The following ORC2 variants were observed in gnomAD, a reference collection of about 807,000 sequenced individuals.
ORC2 encodes origin recognition complex protein 2 homolog.
ORC2 carries 37 observed loss-of-function variants against 77.7 expected under a neutral mutation model. That is an observed-to-expected ratio of 0.48 (90% CI 0.37 to 0.63). The LOEUF is 0.63. Ranked by LOEUF, ORC2 falls within the 20% of genes least tolerant of loss-of-function variation. ORC2 has a pLI of 0.00. For missense variants in ORC2, 557 were observed against 661.9 expected, an observed-to-expected ratio of 0.84 and a Z score of 1.74; for synonymous variants, 201 against 229.5, an observed-to-expected ratio of 0.88 and a Z score of 1.12.
chr2:200,944,464 C>T (rs1174328910), intron 5 of ORC2, among the ~76,000 whole-genome samples: 1 of 152,176 alleles, frequency 6.6e-6, no homozygotes, highest in Non-Finnish European at 1.5e-5. Context: ...TGAGCCACCG[C>T]GCCCGGCTAA....
intron 9 of ORC2, among the ~76,000 whole-genome samples, chr2:200,934,654 A>C (rs2041003253): frequency 6.6e-6 from 1 of 151,960 alleles, no homozygotes; most frequent in Non-Finnish European, 1.5e-5. Flanking sequence ...AAATCCTTTA[A>C]TATTAGTATA....
Position 200,913,314 on chromosome 2 carries a change from T to C in ORC2, c.1628A>G (p.Lys543Arg), listed in dbSNP as rs779080457. The C allele has an allele frequency of 1.3e-6, 2 of 1,597,630 alleles. No homozygotes were observed. Among genetic ancestry groups the C allele is most frequent in the South Asian group, 1.1e-5 (1 of 90,848 alleles). ...TCTTACCTTCTTTGTTCTTATAAGC[T>C]TGTGGTCCCTAAATTCAGTTAACTG... ...RAQLTEFRDHKLIRTKKGTDG... is the reference protein window; with the variant it reads ...RAQLTEFRDHRLIRTKKGTDG... The change falls in exon 17 of 18, where the codon AAG becomes AGG. Residue 543 changes from lysine (K) to arginine (R), a missense_variant. Coordinates refer to ENST00000234296, the MANE Select transcript of ORC2 (RefSeq NM_006190.5).
At chr2:200,960,237 C>T (rs1021075728) in intron 1 of ORC2, among the ~76,000 whole-genome samples, 1 of 152,168 alleles carries the variant, frequency 6.6e-6, no homozygotes. Context: ...CTCTACCTCC[C>T]AAACTGCTGG....
Position 200,920,406 on chromosome 2 carries a change from C to A in ORC2, c.1295-13G>T. On this transcript the variant is annotated splice_polypyrimidine_tract_variant and intron_variant, in intron 14 of 17. Transcript: ENST00000234296. ...GCATGATCCCACACTAGCACATGAT[C>A]AAAGAAAACAAGAATTACAAATTAT... The A allele has an allele frequency of 6.7e-7, 1 of 1,484,876 alleles. No individual in the cohort carries two copies. 92.0% of individuals were successfully genotyped at this position (1,484,876 alleles called of 1,614,324 possible).
At chr2:200,941,382 T>TGC in intron 6 of ORC2, 103 bp from the exon 7 acceptor site, 1 of 1,014,900 alleles carries the variant, frequency 9.9e-7, no homozygotes, top group Non-Finnish European at 1.5e-6. Flanking sequence ...GTGGCTCACA[T>TGC]CTGTAATCCC....
At chr2:200,912,659 A>G (rs1466842552) in intron 17 of ORC2, among the ~76,000 whole-genome samples, 1 of 151,254 alleles carries the variant, frequency 6.6e-6, no homozygotes, top group African/African-American at 2.4e-5. Context: ...GGCTCAAATG[A>G]TCTACCCACC....
intron 5 of ORC2, among the ~76,000 whole-genome samples, chr2:200,943,525 C>G (rs150923319): frequency 1.8e-3 from 271 of 152,218 alleles, no homozygotes; most frequent in African/African-American, 5.3e-3. Flanking sequence ...ACAGATTTAC[C>G]TTTTCCAAGT....
intron 17 of ORC2, among the ~76,000 whole-genome samples, chr2:200,912,621 G>A (rs888777044): frequency 6.6e-6 from 1 of 151,370 alleles, no homozygotes; most frequent in Non-Finnish European, 1.5e-5. Flanking sequence ...AGGGTCTCCT[G>A]TGTTGCCAGG....
chr2:200,939,584 T>C (rs540283479), intron 7 of ORC2, among the ~76,000 whole-genome samples: 13 of 152,318 alleles, frequency 8.5e-5, no homozygotes, highest in African/African-American at 3.1e-4. Context: ...TCCTAAAATA[T>C]CATGTCCCTA....
chr2:200,924,446 A>C (rs2040809939), intron 13 of ORC2, among the ~76,000 whole-genome samples: 1 of 151,998 alleles, frequency 6.6e-6, no homozygotes, highest in Non-Finnish European at 1.5e-5. Context: ...CAGGTTGGAA[A>C]CAAAATGAAG....
chr2:200,945,499 C>G (rs890133991), intron 5 of ORC2, among the ~76,000 whole-genome samples: 4 of 129,586 alleles, frequency 3.1e-5, no homozygotes, highest in African/African-American at 1.4e-4. Context: ...GAGCCTAGGA[C>G]ATGGAAGTTG....
chr2:200,913,475 C>A, intron 16 of ORC2, 62 bp from the exon 17 acceptor site: 2 of 1,500,792 alleles, frequency 1.3e-6, no homozygotes, highest in South Asian at 1.2e-5. Flanking sequence ...AATATACAAA[C>A]ACCCATACAA....
intron 3 of ORC2, among the ~76,000 whole-genome samples, 181 bp from the exon 4 acceptor site, chr2:200,957,725 AACAC>A (rs1559025866): frequency 6.6e-6 from 1 of 151,926 alleles, no homozygotes; most frequent in Non-Finnish European, 1.5e-5. Flanking sequence ...TAAAAAAAAA[AACAC>A]ACACAATCTT....
intron 4 of ORC2, 104 bp downstream of exon 4, chr2:200,957,297 C>T (rs2041484855): frequency 2.8e-6 from 2 of 721,806 alleles, no homozygotes; most frequent in Non-Finnish European, 4.2e-6. Context: ...GAAACATGAT[C>T]ATATAGAACA....
rs1324229542 is a variant in ORC2 at position 200,940,754 on chromosome 2, ACCACGCCACTGCACT to A, written c.453+479_453+493del. ...AAGGTGGAGGTTGCAGTGAGCCGAG[ACCACGCCACTGCACT>A]CCAGCCTGGGCGACAGAGTAAGACT... On this transcript the variant is annotated intron_variant, in intron 7 of 17. Coordinates refer to ENST00000234296, the MANE Select transcript of ORC2 (RefSeq NM_006190.5). 3.3e-5 allele frequency among the ~76,000 whole-genome samples: 5 copies of A among 152,162 alleles called. No individual in the cohort carries two copies. The East Asian group carries it at 9.6e-4, about 29-fold the overall frequency.
intron 5 of ORC2, among the ~76,000 whole-genome samples, chr2:200,946,755 A>G (rs774006715): frequency 4.6e-5 from 7 of 152,052 alleles, no homozygotes; most frequent in Non-Finnish European, 7.4e-5. Flanking sequence ...CTCTTTCTCC[A>G]GTGGTATTTC....
At chr2:200,943,532 A>T (rs2041192773) in intron 5 of ORC2, among the ~76,000 whole-genome samples, 1 of 152,218 alleles carries the variant, frequency 6.6e-6, no homozygotes, top group African/African-American at 2.4e-5. Context: ...TACCTTTTCC[A>T]AGTTAACTCT....
rs2041177452 is a variant in ORC2 at position 200,942,725 on chromosome 2, A to G, written c.381T>C (p.Asn127=). 6.2e-7 allele frequency: 1 copy of G among 1,610,566 alleles called. No individual in the cohort carries two copies. The highest frequency in any genetic ancestry group is 8.5e-7 in the Non-Finnish European group (1 of 1,178,046). Residue 127 remains asparagine, a synonymous_variant, in exon 6 of 18, where the codon AAT becomes AAC. Transcript: ENST00000234296. ...GAACGTTTATCGTAATCTCAGGATC[A>G]TTCTTCAAACTGAATGAAACACTTT... ...PQKSVSFSLK[N]DPEITINVPQ... is the part of the protein sequence containing the mutation.
In ORC2 at chr2:200,935,878, A is replaced by G; in HGVS notation, c.529T>C (p.Ser177Pro). 1.9e-6 allele frequency: 3 copies of G among 1,613,134 alleles called. No individual in the cohort carries two copies. Among genetic ancestry groups the G allele is most frequent in the Non-Finnish European group, 1.7e-6 (2 of 1,179,762 alleles). ...GCAGAATATTCGCTTTCACTGTCAG[A>G]ATGAGACCTTGGAACTGTGGGGGGA... ...RKRLIVPRSHSDSESEYSASN... is the reference protein window; with the variant it reads ...RKRLIVPRSHPDSESEYSASN... Residue 177 changes from serine to proline, a missense_variant, in exon 9 of 18, where the codon TCT becomes CCT. Physicochemically the swap from Ser to Pro is moderately conservative, Grantham distance 74 (BLOSUM62 -1). Coordinates refer to ENST00000234296, the MANE Select transcript of ORC2 (RefSeq NM_006190.5).
Sources: allele counts gnomAD v4.1 joint callset (sites outside exome capture counted in the v4.1 genomes callset), GRCh38; gene constraint gnomAD v4.1.1; transcripts MANE v1.5; gene names NCBI Gene and HGNC (gene_info 2026-07-23, HGNC 2026-07-21).